The following SLC22A3 variants were observed in gnomAD, a reference collection of about 807,000 sequenced individuals.
SLC22A3 encodes solute carrier family 22 member 3.
In SLC22A3, 51 loss-of-function variants were observed where a neutral mutation model predicts 59.1. That is an observed-to-expected ratio of 0.86 (90% CI 0.69 to 1.09). The LOEUF is 1.09. SLC22A3 is among the 50% of genes least tolerant of loss of function. SLC22A3 has a pLI of 0.00. For synonymous variants in SLC22A3, 325 were observed against 292.0 expected, an observed-to-expected ratio of 1.11 and a Z score of -1.15; for missense variants, 711 against 726.3, an observed-to-expected ratio of 0.98 and a Z score of 0.24.
At chr6:160,370,708 T>C (rs944922554) in intron 1 of SLC22A3, among the ~76,000 whole-genome samples, 1 of 152,216 alleles carries the variant, frequency 6.6e-6, no homozygotes, top group Admixed American at 6.5e-5. Flanking sequence ...TTCCTAAAAA[T>C]AAAATATAAT....
chr6:160,373,429 T>A (rs1387775933), intron 1 of SLC22A3, among the ~76,000 whole-genome samples: 1 of 152,172 alleles, frequency 6.6e-6, no homozygotes, highest in Non-Finnish European at 1.5e-5. Context: ...CTCTTTTGTA[T>A]GAGGTGTTTG....
At chr6:160,419,161 TTAC>T (rs1787627029) in intron 5 of SLC22A3, among the ~76,000 whole-genome samples, 1 of 151,696 alleles carries the variant, frequency 6.6e-6, no homozygotes, top group African/African-American at 2.4e-5. Flanking sequence ...AGAAAGTGTC[TTAC>T]TGATTTTTTT....
intron 1 of SLC22A3, among the ~76,000 whole-genome samples, chr6:160,391,352 T>TAC (rs1259737592): frequency 6.6e-6 from 1 of 152,076 alleles, no homozygotes; most frequent in East Asian, 1.9e-4. Flanking sequence ...AGTAATTCTA[T>TAC]ATATATATAT....
At chr6:160,431,807 T>A (rs1451081173) in intron 5 of SLC22A3, among the ~76,000 whole-genome samples, 1 of 152,226 alleles carries the variant, frequency 6.6e-6, no homozygotes, top group Non-Finnish European at 1.5e-5. Flanking sequence ...TTCAGATAAT[T>A]CTGCTTTTGG....
Position 160,408,768 on chromosome 6 carries a change from GT to G in SLC22A3, c.706del (p.Ser236ArgfsTer10). 3.1e-6 allele frequency: 5 copies of G among 1,613,594 alleles called. No homozygotes were observed. The highest frequency in any genetic ancestry group is 4.2e-6 in the Non-Finnish European group (5 of 1,179,694). ...TTTCCTTTAGTGACAGAAATAGTAG[GT>G]TCGAAACAAAGGAGGATTGTGGGAA... ...TCYVIVTEIV[G>X]SKQRRIVGIV... On this transcript the variant is annotated frameshift_variant, in exon 4 of 11. Coordinates refer to ENST00000275300, the MANE Select transcript of SLC22A3 (RefSeq NM_021977.4). LOFTEE classifies it high-confidence loss of function.
At chr6:160,349,099 A>C in intron 1 of SLC22A3, 5 of 984,294 alleles carry the variant, frequency 5.1e-6, no homozygotes, top group Non-Finnish European at 6.0e-6. Flanking sequence ...GGTGTGAACA[A>C]AAACTTTCTT....
intron 7 of SLC22A3, among the ~76,000 whole-genome samples, chr6:160,437,412 G>A (rs928447581): frequency 1.3e-5 from 2 of 152,174 alleles, no homozygotes; most frequent in Non-Finnish European, 2.9e-5. Context: ...TTTCTCAATT[G>A]CTAGGATCAT....
Position 160,395,192 on chromosome 6 carries a change from T to A in SLC22A3, c.430-2787T>A, listed in dbSNP as rs149074515. On this transcript the variant is annotated intron_variant, in intron 1 of 10. Coordinates refer to ENST00000275300, the MANE Select transcript of SLC22A3 (RefSeq NM_021977.4). ...AAATATAAGAGAAATCCTATTTGAC[T>A]ATGCCTTTTATGGGACAGTCAAGAA... Among the ~76,000 whole-genome samples, 708 of 152,376 alleles carry A rather than the reference T, an allele frequency of 4.6e-3. 3 individuals carry two copies. The highest frequency in any genetic ancestry group is 0.016 in the African/African-American group (683 of 41,596).
At chr6:160,386,563 A>G (rs558506440) in intron 1 of SLC22A3, among the ~76,000 whole-genome samples, 1 of 152,336 alleles carries the variant, frequency 6.6e-6, no homozygotes, top group South Asian at 2.1e-4. Flanking sequence ...AAGGGGAAGT[A>G]TAGGCCCAGG....
intron 1 of SLC22A3, among the ~76,000 whole-genome samples, chr6:160,392,170 G>A (rs994281001): frequency 6.6e-6 from 1 of 152,162 alleles, no homozygotes; most frequent in Non-Finnish European, 1.5e-5. Context: ...TTAAAACAGT[G>A]TACTTCCCAG....
chr6:160,437,212 G>C lies in SLC22A3; in HGVS notation c.1288+1G>C, dbSNP rs1244257346. 2 of 1,613,788 alleles carry C rather than the reference G, an allele frequency of 1.2e-6. No individual in the cohort carries two copies. Among genetic ancestry groups the C allele is most frequent in the African/African-American group, 2.7e-5 (2 of 74,894 alleles). On this transcript the variant is annotated splice_donor_variant, in intron 7 of 10. Coordinates refer to ENST00000275300, the MANE Select transcript of SLC22A3 (RefSeq NM_021977.4). LOFTEE classifies it high-confidence loss of function. ...CTTGTCACTGCGTTCTTACCAGAAG[G>C]TAATCTTACCCCACATCTGTTTGGC...
chr6:160,395,490 G>A (rs1021646383), intron 1 of SLC22A3, among the ~76,000 whole-genome samples: 2 of 152,092 alleles, frequency 1.3e-5, no homozygotes, highest in Non-Finnish European at 2.9e-5. Context: ...CATTTCCGCT[G>A]GTAGTTTGAT....
At chr6:160,381,194 T>C (rs534371012) in intron 1 of SLC22A3, among the ~76,000 whole-genome samples, 1 of 152,294 alleles carries the variant, frequency 6.6e-6, no homozygotes, top group South Asian at 2.1e-4. Flanking sequence ...TAATACCACA[T>C]GTAGGAGCTG....
At chr6:160,400,298 T>TG (rs1786715033) in intron 2 of SLC22A3, among the ~76,000 whole-genome samples, 1 of 151,976 alleles carries the variant, frequency 6.6e-6, no homozygotes, top group South Asian at 2.1e-4. Context: ...CTCATTGATC[T>TG]GGGGGAAGGG....
At chr6:160,419,399 C>T (rs1048477620) in intron 5 of SLC22A3, among the ~76,000 whole-genome samples, 1 of 152,138 alleles carries the variant, frequency 6.6e-6, no homozygotes, top group Non-Finnish European at 1.5e-5. Context: ...TGGAGCCCAT[C>T]GGGGATGGTG....
At chr6:160,402,450 A>G (rs987935759) in intron 2 of SLC22A3, among the ~76,000 whole-genome samples, 2 of 151,926 alleles carry the variant, frequency 1.3e-5, no homozygotes, top group East Asian at 1.9e-4. Flanking sequence ...GGAGACTTCA[A>G]CATCCCTTTG....
chr6:160,449,208 G>A (rs1788858735), intron 10 of SLC22A3, among the ~76,000 whole-genome samples: 1 of 151,966 alleles, frequency 6.6e-6, no homozygotes, highest in Non-Finnish European at 1.5e-5. Flanking sequence ...GCTAGGAGAG[G>A]TTTTTTTGTT....
chr6:160,427,056 A>T (rs1013397878), intron 5 of SLC22A3, among the ~76,000 whole-genome samples: 8 of 152,132 alleles, frequency 5.3e-5, no homozygotes, highest in Non-Finnish European at 7.4e-5. Context: ...AAACAGAAGA[A>T]ATCAAAGGGC....
intron 5 of SLC22A3, among the ~76,000 whole-genome samples, chr6:160,417,362 C>T (rs1255872116): frequency 6.6e-6 from 1 of 152,236 alleles, no homozygotes; most frequent in African/African-American, 2.4e-5. Flanking sequence ...AGCTGACCTA[C>T]AGCTGCTGTA....
Sources: allele counts gnomAD v4.1 joint callset (sites outside exome capture counted in the v4.1 genomes callset), GRCh38; gene constraint gnomAD v4.1.1; transcripts MANE v1.5; gene names NCBI Gene and HGNC (gene_info 2026-07-23, HGNC 2026-07-21).